The following CSRP3 variants were observed in gnomAD, a reference collection of about 807,000 sequenced individuals.
The protein encoded by CSRP3 is cysteine and glycine rich protein 3.
Under a neutral mutation model 24.3 loss-of-function variants are expected in CSRP3, and 24 were observed. The ratio of observed to expected loss-of-function variants is 0.99; its 90% CI spans 0.71 to 1.39. The LOEUF is 1.39. Ranked by LOEUF, CSRP3 falls within the 40% of genes most tolerant of loss-of-function variation. The pLI is 0.00. For missense variants in CSRP3, 240 were observed against 249.0 expected (o/e 0.96, Z 0.24); for synonymous variants, 105 against 94.0 (o/e 1.12, Z -0.68).
chr11:19,184,008 A>G (rs1432917607), intron 5 of CSRP3, among the ~76,000 whole-genome samples: 3 of 152,182 alleles, frequency 2.0e-5, no homozygotes, highest in Non-Finnish European at 4.4e-5. Context: ...GACTTCTGCC[A>G]TGATTGCGAG....
At position 19,182,318 on chromosome 11, in the gene CSRP3, C is replaced by T; in HGVS notation, c.*352G>A. 4.0e-6 allele frequency: 1 copy of T among 249,036 alleles called. No homozygotes were observed. The highest frequency in any genetic ancestry group is 7.9e-6 in the Non-Finnish European group (1 of 126,712). 15.4% of individuals were successfully genotyped at this position (249,036 alleles called of 1,614,324 possible). A position where few individuals can be genotyped will look rare whatever the true frequency, so the allele number is the denominator to read the frequency against. On this transcript the variant is annotated 3_prime_UTR_variant, in exon 6 of 6. Transcript: ENST00000265968. ...TTCTCACTCCTTTCTCAGTTGACATCCAAATTTATTATATGCTCTGCAACT... is the reference window on the plus strand; with the variant it reads ...TTCTCACTCCTTTCTCAGTTGACATTCAAATTTATTATATGCTCTGCAACT...
rs546628694 is a variant in CSRP3 at position 19,199,012 on chromosome 11, G to A, written c.-29+2942C>T. Among the ~76,000 whole-genome samples the A allele has an allele frequency of 3.3e-5, 5 of 152,284 alleles. 1 individual carries two copies. The highest frequency in any genetic ancestry group is 6.8e-3 in the Middle Eastern group (2 of 294). On this transcript the variant is annotated intron_variant, in intron 1 of 5. Transcript: ENST00000265968. ...TCCAGTTTTCAAGTCTGTTCTTTTA[G>A]AACAAACAACTCACTCCCTGCTTGT...
At chr11:19,186,128 G>T in intron 4 of CSRP3, 88 bp downstream of exon 4, 1 of 1,549,986 alleles carries the variant, frequency 6.5e-7, no homozygotes, top group South Asian at 1.1e-5. Context: ...AATGACAGCT[G>T]CTTGCAGCTC....
chr11:19,184,913 G>C, intron 5 of CSRP3, 39 bp downstream of exon 5: 1 of 1,496,172 alleles, frequency 6.7e-7, no homozygotes, highest in Non-Finnish European at 9.3e-7. Flanking sequence ...GGCCCTTTTA[G>C]GGAAAACATA....
At chr11:19,192,276 A>G (rs960607436) in intron 2 of CSRP3, 61 bp downstream of exon 2, 16 of 1,109,636 alleles carry the variant, frequency 1.4e-5, no homozygotes, top group African/African-American at 1.1e-4. Context: ...TTGTGATTCA[A>G]TGTGAATTTT....
chr11:19,185,945 C>T (rs1850518244), intron 4 of CSRP3, among the ~76,000 whole-genome samples: 1 of 151,982 alleles, frequency 6.6e-6, no homozygotes, highest in African/African-American at 2.4e-5. Context: ...CGGGCTTTTG[C>T]TTTGTATCCC....
intron 1 of CSRP3, among the ~76,000 whole-genome samples, chr11:19,200,759 T>C (rs1216521640): frequency 6.6e-6 from 1 of 152,218 alleles, no homozygotes; most frequent in Non-Finnish European, 1.5e-5. Context: ...CAGTTCTACA[T>C]GCATTGTGAT....
chr11:19,200,716 A>G (rs1475566098), intron 1 of CSRP3, among the ~76,000 whole-genome samples: 2 of 152,254 alleles, frequency 1.3e-5, no homozygotes, highest in Non-Finnish European at 2.9e-5. Context: ...AAGCCAAGTC[A>G]TAAGACTCCC....
At chr11:19,199,261 C>T (rs555936521) in intron 1 of CSRP3, among the ~76,000 whole-genome samples, 97 of 152,242 alleles carry the variant, frequency 6.4e-4, no homozygotes, top group African/African-American at 2.2e-3. Flanking sequence ...GCTGCTTCCT[C>T]CTGAGCTTCT....
At chr11:19,193,329 T>C (rs1399449533) in intron 1 of CSRP3, among the ~76,000 whole-genome samples, 1 of 152,168 alleles carries the variant, frequency 6.6e-6, no homozygotes, top group African/African-American at 2.4e-5. Flanking sequence ...CGACATGATG[T>C]GCAGGAAGGT....
chr11:19,182,784 TTGGTTAG>T (rs1232833564), intron 5 of CSRP3, 38 bp from the exon 6 acceptor site: 6 of 1,428,292 alleles, frequency 4.2e-6, no homozygotes, highest in African/African-American at 2.8e-5. Flanking sequence ...AGACAATGCA[TTGGTTAG>T]TGCCATTTTT....
chr11:19,189,530 T>C (rs1850583544), intron 2 of CSRP3, among the ~76,000 whole-genome samples: 1 of 152,210 alleles, frequency 6.6e-6, no homozygotes, highest in Non-Finnish European at 1.5e-5. Context: ...CATCAAATGA[T>C]CCCTATAAGC....
intron 1 of CSRP3, among the ~76,000 whole-genome samples, chr11:19,196,222 C>T (rs989668937): frequency 2.6e-5 from 4 of 152,126 alleles, no homozygotes; most frequent in African/African-American, 9.7e-5. Context: ...GAGATTGCGC[C>T]ACTGCACTCC....
intron 2 of CSRP3, among the ~76,000 whole-genome samples, chr11:19,189,213 G>A (rs1850578693): frequency 6.6e-6 from 1 of 152,176 alleles, no homozygotes; most frequent in South Asian, 2.1e-4. Flanking sequence ...AGCTGGCCCA[G>A]CTTTTCTGAG....
At chr11:19,201,630 G>A (rs558455370) in intron 1 of CSRP3, among the ~76,000 whole-genome samples, 1 of 152,268 alleles carries the variant, frequency 6.6e-6, no homozygotes, top group African/African-American at 2.4e-5. Context: ...ATTTCCTCCC[G>A]CTTTCCAGTT....
At chr11:19,201,630 G>T (rs558455370) in intron 1 of CSRP3, among the ~76,000 whole-genome samples, 1 of 152,150 alleles carries the variant, frequency 6.6e-6, no homozygotes, top group Non-Finnish European at 1.5e-5. Flanking sequence ...ATTTCCTCCC[G>T]CTTTCCAGTT....
intron 1 of CSRP3, among the ~76,000 whole-genome samples, chr11:19,199,289 G>A (rs576774861): frequency 6.2e-4 from 94 of 152,174 alleles, no homozygotes; most frequent in African/African-American, 2.0e-3. Context: ...GATATATGAC[G>A]TCCTCCGGCC....
intron 2 of CSRP3, among the ~76,000 whole-genome samples, chr11:19,190,244 G>A (rs1850593312): frequency 6.6e-6 from 1 of 152,178 alleles, no homozygotes; most frequent in Non-Finnish European, 1.5e-5. Context: ...ATACCCTAAG[G>A]TGCCCTGGCC....
At chr11:19,200,290 T>A (rs1257995270) in intron 1 of CSRP3, among the ~76,000 whole-genome samples, 1 of 152,266 alleles carries the variant, frequency 6.6e-6, no homozygotes, top group Non-Finnish European at 1.5e-5. Context: ...TAAGTGATAT[T>A]CAGAGCTATA....
Sources: allele counts gnomAD v4.1 joint callset (sites outside exome capture counted in the v4.1 genomes callset), GRCh38; gene constraint gnomAD v4.1.1; transcripts MANE v1.5; gene names NCBI Gene and HGNC (gene_info 2026-07-23, HGNC 2026-07-21).